CDC42BPA: variants seen among roughly 807,000 people sequenced by gnomAD.
CDC42BPA encodes serine/threonine-protein kinase MRCK alpha.
Under a neutral mutation model 223.5 loss-of-function variants are expected in CDC42BPA, and 80 were observed. The observed-to-expected ratio is 0.36, with a 90% CI of 0.30 to 0.43. The LOEUF (loss-of-function observed/expected upper bound fraction) is 0.43, where lower values mean the gene tolerates loss of function less well. Ranked by LOEUF, CDC42BPA falls within the 20% of genes least tolerant of loss-of-function variation. The pLI, the probability that CDC42BPA is intolerant of heterozygous loss-of-function variation, is 1.00. For missense variants in CDC42BPA, 1,743 were observed against 2,099.9 expected, an observed-to-expected ratio of 0.83 and a Z score of 3.32; for synonymous variants, 694 against 718.6, an observed-to-expected ratio of 0.97 and a Z score of 0.55.
intron 2 of CDC42BPA, among the ~76,000 whole-genome samples, chr1:227,224,869 T>C (rs80023661): frequency 1.4e-3 from 215 of 152,322 alleles, no homozygotes; most frequent in African/African-American, 4.6e-3. Flanking sequence ...ATTTATAATA[T>C]GGAAAAAATA....
intron 32 of CDC42BPA, among the ~76,000 whole-genome samples, 192 bp downstream of exon 32, chr1:227,023,071 A>G (rs868736588): frequency 6.6e-5 from 10 of 152,340 alleles, no homozygotes; most frequent in Middle Eastern, 3.4e-3. Flanking sequence ...GCTTAAACAG[A>G]ACGACTTTTT....
intron 21 of CDC42BPA, among the ~76,000 whole-genome samples, chr1:227,054,231 C>T (rs1052949755): frequency 7.2e-5 from 11 of 152,126 alleles, no homozygotes; most frequent in Middle Eastern, 3.2e-3. Flanking sequence ...GCTGATATAA[C>T]GGCTTTGTAT....
intron 12 of CDC42BPA, among the ~76,000 whole-genome samples, chr1:227,113,216 A>T (rs1427841355): frequency 2.0e-5 from 3 of 152,246 alleles, no homozygotes; most frequent in Non-Finnish European, 4.4e-5. Context: ...ATATTTGTGA[A>T]ATTTAATAAA....
intron 3 of CDC42BPA, among the ~76,000 whole-genome samples, chr1:227,210,826 G>A (rs1247326220): frequency 6.6e-6 from 1 of 152,294 alleles, no homozygotes; most frequent in Middle Eastern, 3.4e-3. Flanking sequence ...GTTTGCATCA[G>A]CTGAAGAAAG....
chr1:227,176,943 C>G (rs1207111041), intron 5 of CDC42BPA, among the ~76,000 whole-genome samples: 3 of 151,734 alleles, frequency 2.0e-5, no homozygotes, highest in Non-Finnish European at 4.4e-5. Flanking sequence ...TTTCTCTCCC[C>G]TCTAATCCAC....
At chr1:227,108,539 T>C (rs1430391171) in intron 14 of CDC42BPA, among the ~76,000 whole-genome samples, 1 of 152,166 alleles carries the variant, frequency 6.6e-6, no homozygotes, top group African/African-American at 2.4e-5. Flanking sequence ...TCCTGGAGAA[T>C]CTGCCATGTG....
intron 10 of CDC42BPA, 25 bp from the exon 11 acceptor site, chr1:227,129,256 T>G: frequency 6.7e-7 from 1 of 1,496,000 alleles, no homozygotes; most frequent in Non-Finnish European, 9.0e-7. Context: ...ATAAAAGAAA[T>G]AAAAATATCA....
chr1:227,160,119 G>T (rs1273044704), intron 6 of CDC42BPA, among the ~76,000 whole-genome samples: 1 of 152,198 alleles, frequency 6.6e-6, no homozygotes, highest in Non-Finnish European at 1.5e-5. Context: ...GGATTCATTT[G>T]TTGAACACTA....
At chr1:227,107,637 T>A (rs768329447) in intron 14 of CDC42BPA, among the ~76,000 whole-genome samples, 2 of 152,194 alleles carry the variant, frequency 1.3e-5, no homozygotes, top group Non-Finnish European at 2.9e-5. Context: ...AATTCAGCAG[T>A]GAAGTGGTGT....
At chr1:227,161,230 T>C (rs1040694841) in intron 5 of CDC42BPA, among the ~76,000 whole-genome samples, 3 of 152,230 alleles carry the variant, frequency 2.0e-5, no homozygotes, top group South Asian at 4.1e-4. Context: ...AACTATATCA[T>C]ATACCAGCTT....
intron 26 of CDC42BPA, 123 bp downstream of exon 26, chr1:227,034,532 G>T: frequency 3.4e-6 from 3 of 890,616 alleles, no homozygotes; most frequent in South Asian, 1.9e-5. Flanking sequence ...AGCAATATTA[G>T]CAAATTAGAA....
intron 11 of CDC42BPA, among the ~76,000 whole-genome samples, chr1:227,121,114 C>T (rs879937060): frequency 2.6e-5 from 4 of 152,164 alleles, no homozygotes; most frequent in Non-Finnish European, 5.9e-5. Flanking sequence ...CAGTTTGTCG[C>T]CCGAGAATTG....
intron 6 of CDC42BPA, among the ~76,000 whole-genome samples, chr1:227,155,549 A>T (rs1662593251): frequency 6.6e-6 from 1 of 152,186 alleles, no homozygotes; most frequent in Non-Finnish European, 1.5e-5. Context: ...TAGAACGAAC[A>T]GTCCAGATTA....
At chr1:227,134,557 T>C (rs1414105750) in intron 10 of CDC42BPA, among the ~76,000 whole-genome samples, 1 of 152,220 alleles carries the variant, frequency 6.6e-6, no homozygotes, top group Non-Finnish European at 1.5e-5. Flanking sequence ...GTCTGTCTCC[T>C]CAAAACAGAA....
At chr1:227,011,563 AAC>A (rs1033663825) in intron 34 of CDC42BPA, among the ~76,000 whole-genome samples, 4 of 152,336 alleles carry the variant, frequency 2.6e-5, no homozygotes, top group Admixed American at 6.5e-5. Flanking sequence ...ATTTCCTTAT[AAC>A]AGTTAACCAT....
intron 1 of CDC42BPA, among the ~76,000 whole-genome samples, chr1:227,281,980 G>A (rs112174811): frequency 0.15 from 22,786 of 151,918 alleles, 2,073 homozygotes; most frequent in African/African-American, 0.24. Flanking sequence ...ACTTGAGGTC[G>A]GGAGTTCGCG....
rs76260318 is a variant in CDC42BPA at position 227,184,723 on chromosome 1, C to T, written c.599+9063G>A. Reference sequence around the variant, plus strand: ...GGAATCTTGCTAGGATTTTGAGAGACTGCAATAAACCTATAGATTTGCCAC... The same window carrying T: ...GGAATCTTGCTAGGATTTTGAGAGATTGCAATAAACCTATAGATTTGCCAC... On this transcript the variant is annotated intron_variant, in intron 5 of 36. Coordinates refer to ENST00000366766, the MANE Select transcript of CDC42BPA (RefSeq NM_001394014.1). 4.1e-3 allele frequency among the ~76,000 whole-genome samples: 619 copies of T among 152,086 alleles called. 10 individuals carry two copies. In the East Asian group the frequency reaches 0.081, roughly 20 times the overall value.
rs1467623605 is a variant in CDC42BPA at position 227,047,908 on chromosome 1, T to C, written c.3093+19A>G. On this transcript the variant is annotated intron_variant, in intron 23 of 36. Coordinates refer to ENST00000366766, the MANE Select transcript of CDC42BPA (RefSeq NM_001394014.1). ...TCATTTTTTTTGGAACACACTATGC[T>C]TATAACTAGATTGAGTACCTTAGGT... is the stretch of plus-strand genomic sequence containing the variant. The C allele has an allele frequency of 1.3e-6, 2 of 1,486,624 alleles. No individual in the cohort carries two copies. The highest frequency in any genetic ancestry group is 3.4e-5 in the Admixed American group (2 of 59,028). The allele number at this position is 1,486,624 out of a possible 1,614,324, so 92.1% of individuals were successfully genotyped here. A position where few individuals can be genotyped will look rare whatever the true frequency, so the allele number is the denominator to read the frequency against.
chr1:227,125,816 C>T (rs564930540), intron 11 of CDC42BPA, among the ~76,000 whole-genome samples: 1 of 152,116 alleles, frequency 6.6e-6, no homozygotes, highest in East Asian at 1.9e-4. Flanking sequence ...AGTGGATCCA[C>T]ACAGTTCAAA....
Sources: gnomAD v4.1 joint callset for allele counts (sites outside exome capture counted in the v4.1 genomes callset) on GRCh38, gnomAD v4.1.1 for gene constraint, MANE v1.5 for transcripts, NCBI Gene and HGNC (gene_info 2026-07-23, HGNC 2026-07-21) for gene names.